The following CACNA1C variants were observed in gnomAD, a reference collection of about 807,000 sequenced individuals.
The protein encoded by CACNA1C is calcium voltage-gated channel subunit alpha1 C, also known as voltage-dependent L-type calcium channel subunit alpha-1C.
A neutral mutation model predicts 229.0 loss-of-function variants in CACNA1C; 30 were observed. The observed-to-expected ratio is 0.13, with a 90% CI of 0.10 to 0.18. The LOEUF (loss-of-function observed/expected upper bound fraction) is 0.18. Ranked by LOEUF, CACNA1C falls within the 10% of genes least tolerant of loss-of-function variation. The probability of loss-of-function intolerance (pLI) is 1.00; values close to 1 mark genes in which losing one functional copy is unlikely to be tolerated. For missense variants in CACNA1C, 1,658 were observed against 2,845.0 expected, an observed-to-expected ratio of 0.58 and a Z score of 9.49; for synonymous variants, 1,114 against 1,132.5, an observed-to-expected ratio of 0.98 and a Z score of 0.33.
rs2090680552 is a variant in CACNA1C at position 2,127,763 on chromosome 12, A to G, written c.477+7333A>G. On this transcript the variant is annotated intron_variant, in intron 3 of 46. Transcript: ENST00000399655. ...GTGTCTTAAAAGCTATACCAGAGCC[A>G]GAGTTGCAGGCACTGACCTAGGAAG... Among the ~76,000 whole-genome samples the G allele has an allele frequency of 2.0e-5, 3 of 152,236 alleles. No individual in the cohort carries two copies. In the South Asian group the frequency reaches 6.2e-4, roughly 32 times the overall value.
At chr12:1,985,349 T>C (rs1472849711) in intron 1 of CACNA1C, among the ~76,000 whole-genome samples, 1 of 152,220 alleles carries the variant, frequency 6.6e-6, no homozygotes, top group Non-Finnish European at 1.5e-5. Context: ...TATTGACCTA[T>C]CTATGAGTTC....
Position 2,677,179 on chromosome 12 carries a change from C to T in CACNA1C, c.4914C>T (p.Gly1638=), listed in dbSNP as rs2096865452. The change falls in exon 40 of 47, where the codon GGC becomes GGT. Residue 1638 remains glycine (G), a synonymous_variant. Coordinates refer to ENST00000399655, the MANE Select transcript of CACNA1C (RefSeq NM_000719.7). The surrounding 1 kb of genome is among the most constrained non-coding windows in gnomAD (Gnocchi z 7.4). ...AGTTCAAGAAGCGCAAAGAGCAGGG[C>T]CTTGTGGGCAAGCCCTCCCAGAGGA... ...FRKFKKRKEQ[G]LVGKPSQRNA... is the part of the protein sequence containing the mutation. 1 of 1,613,784 alleles carries T rather than the reference C, an allele frequency of 6.2e-7. No individual in the cohort carries two copies. The highest frequency in any genetic ancestry group is 8.5e-7 in the Non-Finnish European group (1 of 1,179,838).
intron 1 of CACNA1C, among the ~76,000 whole-genome samples, chr12:1,988,891 A>G (rs979911075): frequency 2.6e-5 from 4 of 152,248 alleles, no homozygotes; most frequent in African/African-American, 9.6e-5. Flanking sequence ...AAAACTACCC[A>G]AAATGGTAAA....
At chr12:2,066,975 A>G (rs927469059) in intron 1 of CACNA1C, among the ~76,000 whole-genome samples, 3 of 152,120 alleles carry the variant, frequency 2.0e-5, no homozygotes, top group Non-Finnish European at 4.4e-5. Flanking sequence ...GGGAAACACT[A>G]TGAGACACCC....
intron 3 of CACNA1C, among the ~76,000 whole-genome samples, chr12:2,254,488 G>T (rs183798321): frequency 6.2e-4 from 94 of 152,206 alleles, no homozygotes; most frequent in Admixed American, 2.0e-3. Flanking sequence ...GTGTGGGCCC[G>T]GATTGCCCCA....
chr12:2,169,593 T>C (rs2096391848), intron 3 of CACNA1C, among the ~76,000 whole-genome samples: 1 of 152,160 alleles, frequency 6.6e-6, no homozygotes, highest in Non-Finnish European at 1.5e-5. Flanking sequence ...GGTCACTGAA[T>C]TGGATTTGGC....
intron 3 of CACNA1C, among the ~76,000 whole-genome samples, chr12:2,391,036 C>T (rs1445728165): frequency 6.6e-6 from 1 of 152,124 alleles, no homozygotes; most frequent in Non-Finnish European, 1.5e-5. Context: ...GAAGAGGCAA[C>T]CCTAAGAGAG....
In CACNA1C at chr12:2,645,370, C is replaced by T. The variant is rs373250238; in HGVS notation, c.3913-3105C>T. 4.6e-5 allele frequency among the ~76,000 whole-genome samples: 7 copies of T among 152,190 alleles called. No individual in the cohort carries two copies. In the East Asian group the frequency reaches 1.4e-3, roughly 29 times the overall value. On this transcript the variant is annotated intron_variant, in intron 30 of 46. Coordinates refer to ENST00000399655, the MANE Select transcript of CACNA1C (RefSeq NM_000719.7). Reference sequence around the variant, plus strand: ...TGGGAAGGGGTCAGAGATTAATGGCCCAAGTATTGATGGCTACCAACAAAT... The same window carrying T: ...TGGGAAGGGGTCAGAGATTAATGGCTCAAGTATTGATGGCTACCAACAAAT...
chr12:2,246,318 A>G (rs2154379870), intron 3 of CACNA1C, among the ~76,000 whole-genome samples: 1 of 152,286 alleles, frequency 6.6e-6, no homozygotes, highest in Admixed American at 6.5e-5. Context: ...CCAATTCTGT[A>G]GATCGGGGGC....
chr12:2,331,554 G>C (rs11062193), intron 3 of CACNA1C, among the ~76,000 whole-genome samples: 13,659 of 152,334 alleles, frequency 0.09, 665 homozygotes, highest in South Asian at 0.14. Flanking sequence ...AGCATCAAAA[G>C]AGAGGAGACA....
Position 2,689,976 on chromosome 12 carries a change from G to A in CACNA1C, c.6118-924G>A, listed in dbSNP as rs1455152260. On this transcript the variant is annotated intron_variant, in intron 46 of 46. Coordinates refer to ENST00000399655, the MANE Select transcript of CACNA1C (RefSeq NM_000719.7). The surrounding 1 kb of genome is among the most constrained non-coding windows in gnomAD (Gnocchi z 4.2). ...AGATGCCTGAAAGGAGCGAGTGCCA[G>A]GCTGCACTCAGCTTCCCCCGACCCG... 2 of 152,298 alleles carry A rather than the reference G, an allele frequency of 1.3e-5. No individual in the cohort carries two copies. Among genetic ancestry groups the A allele is most frequent in the Non-Finnish European group, 2.9e-5 (2 of 68,122 alleles). The allele number at this position is 152,298 out of a possible 1,614,324, so 9.4% of individuals were successfully genotyped here.
At chr12:2,159,360 T>C (rs1566047864) in intron 3 of CACNA1C, among the ~76,000 whole-genome samples, 1 of 151,870 alleles carries the variant, frequency 6.6e-6, no homozygotes, top group Non-Finnish European at 1.5e-5. Context: ...CTGGGTGTGG[T>C]AACGTGTGCC....
chr12:2,575,547 C>A lies in CACNA1C; in HGVS notation c.1896-6043C>A, dbSNP rs1796172202. On this transcript the variant is annotated intron_variant, in intron 13 of 46. Transcript: ENST00000399655. The surrounding 1 kb of genome is among the most constrained non-coding windows in gnomAD (Gnocchi z 4.0). ...TTCTCACTCCTCTTCACTCCATTGC[C>A]TCCCATGAAGCCCCAGCCACACAGA... Among the ~76,000 whole-genome samples, 1 of 152,284 alleles carries A rather than the reference C, an allele frequency of 6.6e-6. No individual in the cohort carries two copies.
chr12:2,185,877 C>T (rs544197090), intron 3 of CACNA1C, among the ~76,000 whole-genome samples: 13 of 152,288 alleles, frequency 8.5e-5, no homozygotes, highest in African/African-American at 1.7e-4. Context: ...TCCAGCCGCG[C>T]CTGGGCAGCA....
intron 1 of CACNA1C, among the ~76,000 whole-genome samples, chr12:1,995,365 C>T (rs2040555913): frequency 6.6e-6 from 1 of 152,348 alleles, no homozygotes; most frequent in South Asian, 2.1e-4. Flanking sequence ...ACAGTGCAAC[C>T]CTATGGCTTT....
chr12:2,413,544 G>A (rs1468995289), intron 3 of CACNA1C, among the ~76,000 whole-genome samples: 1 of 152,198 alleles, frequency 6.6e-6, no homozygotes, highest in Non-Finnish European at 1.5e-5. Context: ...ATAAAATGCA[G>A]CGACATGCTG....
intron 1 of CACNA1C, among the ~76,000 whole-genome samples, chr12:1,985,898 C>T (rs931014859): frequency 6.6e-6 from 1 of 152,162 alleles, no homozygotes; most frequent in African/African-American, 2.4e-5. Context: ...GCAAGCTCCA[C>T]CTCCTGGGTT....
At chr12:2,213,974 G>GT (rs58883872) in intron 3 of CACNA1C, among the ~76,000 whole-genome samples, 67,563 of 151,726 alleles carry the variant, frequency 0.45, 15,853 homozygotes, top group African/African-American at 0.6. Context: ...TGAATCGCGA[G>GT]TTTGGGAGAG....
intron 3 of CACNA1C, among the ~76,000 whole-genome samples, chr12:2,436,518 C>T (rs1268945732): frequency 1.3e-5 from 2 of 152,212 alleles, no homozygotes; most frequent in Non-Finnish European, 2.9e-5. Flanking sequence ...GGGGTTTGGG[C>T]TGATGGCTGT....
Sources: gnomAD v4.1 joint callset for allele counts (sites outside exome capture counted in the v4.1 genomes callset) on GRCh38, gnomAD v4.1.1 for gene constraint, Gnocchi (gnomAD v3.1) non-coding constraint, MANE v1.5 for transcripts, NCBI Gene and HGNC (gene_info 2026-07-23, HGNC 2026-07-21) for gene names.